The following SCN9A variants were observed in gnomAD, a reference collection of about 807,000 sequenced individuals.
SCN9A encodes the protein sodium voltage-gated channel alpha subunit 9.
In SCN9A, 131 loss-of-function variants were observed where a neutral mutation model predicts 187.0. The observed-to-expected ratio is 0.70, with a 90% CI of 0.61 to 0.81. The LOEUF (loss-of-function observed/expected upper bound fraction) is 0.81. SCN9A is among the 30% of genes least tolerant of loss of function. The probability of loss-of-function intolerance (pLI) is 0.00; values close to 1 mark genes in which losing one functional copy is unlikely to be tolerated. For missense variants in SCN9A, 2,252 were observed against 2,396.6 expected (o/e 0.94, Z 1.26); for synonymous variants, 809 against 808.6 (o/e 1.00, Z -0.01).
intron 16 of SCN9A, among the ~76,000 whole-genome samples, chr2:166,273,709 A>G (rs1388612363): frequency 6.6e-6 from 1 of 152,138 alleles, no homozygotes; most frequent in African/African-American, 2.4e-5. Context: ...TAAATTGTAA[A>G]TTATATTTAA....
intron 24 of SCN9A, among the ~76,000 whole-genome samples, chr2:166,216,269 C>G (rs1243861139): frequency 6.6e-6 from 1 of 152,002 alleles, no homozygotes; most frequent in Admixed American, 6.6e-5. Context: ...AAGCCCACGG[C>G]TAACATTATG....
At chr2:166,329,912 C>T (rs772964132) in intron 1 of SCN9A, among the ~76,000 whole-genome samples, 7 of 152,010 alleles carry the variant, frequency 4.6e-5, no homozygotes, top group Non-Finnish European at 7.4e-5. Context: ...TCATTTTTGG[C>T]TTTGTCATCA....
intron 18 of SCN9A, 42 bp downstream of exon 18, chr2:166,251,723 C>T: frequency 6.2e-7 from 1 of 1,609,826 alleles, no homozygotes; most frequent in Non-Finnish European, 8.5e-7. Flanking sequence ...CCCCAGAACA[C>T]TAATTAAGGA....
At chr2:166,203,098 C>A (rs1693622432) in intron 26 of SCN9A, among the ~76,000 whole-genome samples, 1 of 151,346 alleles carries the variant, frequency 6.6e-6, no homozygotes, top group South Asian at 2.1e-4. Flanking sequence ...TTTCTTATAT[C>A]AATTTTGGTA....
In SCN9A at chr2:166,228,916, C is replaced by T. The variant is rs768809716; in HGVS notation, c.3981G>A (p.Val1327=). The T allele has an allele frequency of 1.2e-6, 2 of 1,613,678 alleles. No individual in the cohort carries two copies. Among genetic ancestry groups the T allele is most frequent in the South Asian group, 1.1e-5 (1 of 91,074 alleles). Residue 1327 remains valine (V), a synonymous_variant, in exon 22 of 27, where the codon GTG becomes GTA. Transcript: ENST00000642356. Reference sequence around the variant, plus strand: ...TGAATATCAGCCAGAATATAAGACACACAAGTAGCACATTCATGATGGAAG... The same window carrying T: ...TGAATATCAGCCAGAATATAAGACATACAAGTAGCACATTCATGATGGAAG... The part of the protein sequence containing the change: ...AIPSIMNVLL[V]CLIFWLIFSI...
At chr2:166,284,964 A>C in intron 11 of SCN9A, 140 bp from the exon 12 acceptor site, 1 of 876,284 alleles carries the variant, frequency 1.1e-6, no homozygotes, top group Non-Finnish European at 1.7e-6. Context: ...AAAACGAAGC[A>C]ATTCAGTGAG....
intron 1 of SCN9A, among the ~76,000 whole-genome samples, chr2:166,347,331 AATT>A: frequency 6.6e-6 from 1 of 152,350 alleles, no homozygotes; most frequent in East Asian, 1.9e-4. Flanking sequence ...GACATCAAGT[AATT>A]ATTTCAGAAT....
At chr2:166,256,604 A>C (rs1353272246) in intron 17 of SCN9A, among the ~76,000 whole-genome samples, 2 of 151,332 alleles carry the variant, frequency 1.3e-5, no homozygotes, top group African/African-American at 4.8e-5. Flanking sequence ...GGCAACTAAA[A>C]CTTTAGCTCT....
At chr2:166,260,532 T>C (rs1696462059) in intron 17 of SCN9A, among the ~76,000 whole-genome samples, 2 of 151,910 alleles carry the variant, frequency 1.3e-5, no homozygotes, top group African/African-American at 4.8e-5. Flanking sequence ...TGCTTTGTTC[T>C]GTGTTATAAT....
intron 24 of SCN9A, among the ~76,000 whole-genome samples, chr2:166,205,696 A>G (rs901698250): frequency 1.3e-5 from 2 of 152,214 alleles, no homozygotes; most frequent in Non-Finnish European, 2.9e-5. Context: ...TCTGCAAAGC[A>G]AAAGAAACTA....
chr2:166,267,604 A>AT (rs980685677), intron 17 of SCN9A, among the ~76,000 whole-genome samples: 1 of 151,538 alleles, frequency 6.6e-6, no homozygotes, highest in East Asian at 2.0e-4. Flanking sequence ...TTTCCTTTTG[A>AT]TTTTTTTGGA....
At chr2:166,305,365 T>C (rs1698719588) in intron 5 of SCN9A, among the ~76,000 whole-genome samples, 1 of 152,084 alleles carries the variant, frequency 6.6e-6, no homozygotes, top group Non-Finnish European at 1.5e-5. Context: ...TTTACAAATA[T>C]ATACTTTTAT....
intron 15 of SCN9A, 185 bp downstream of exon 15, chr2:166,277,955 G>T: frequency 2.0e-6 from 1 of 507,534 alleles, no homozygotes; most frequent in Non-Finnish European, 3.4e-6. Flanking sequence ...TTCAAAAATT[G>T]TAAAAATATT....
chr2:166,360,345 A>G (rs953619968), intron 1 of SCN9A, among the ~76,000 whole-genome samples: 5 of 152,136 alleles, frequency 3.3e-5, no homozygotes, highest in African/African-American at 9.7e-5. Context: ...TTTAATAAAA[A>G]ATTCATAAAG....
At chr2:166,241,060 C>T (rs1695546051) in intron 19 of SCN9A, among the ~76,000 whole-genome samples, 1 of 152,136 alleles carries the variant, frequency 6.6e-6, no homozygotes, top group South Asian at 2.1e-4. Flanking sequence ...AGTCCTTTAT[C>T]TCTGACCCAA....
At chr2:166,363,199 T>C (rs1700331873) in intron 1 of SCN9A, among the ~76,000 whole-genome samples, 1 of 152,086 alleles carries the variant, frequency 6.6e-6, no homozygotes, top group Non-Finnish European at 1.5e-5. Flanking sequence ...TTGAACTTGC[T>C]TTATTAAAAT....
Position 166,323,702 on chromosome 2 carries a change from C to G in SCN9A, c.-50-11896G>C, listed in dbSNP as rs376288233. On this transcript the variant is annotated intron_variant, in intron 1 of 26. Coordinates refer to ENST00000642356, the MANE Select transcript of SCN9A (RefSeq NM_001365536.1). The stretch of plus-strand genomic sequence containing the variant: ...ATTTATTAGTGTCAGGGCACCAATT[C>G]TATTGTGGCTCAGTTAGAGTATGTG... Among the ~76,000 whole-genome samples the G allele has an allele frequency of 2.6e-5, 4 of 152,044 alleles. No homozygotes were observed. In the East Asian group the frequency reaches 7.8e-4, roughly 30 times the overall value.
At chr2:166,337,427 G>T (rs1699656426) in intron 1 of SCN9A, among the ~76,000 whole-genome samples, 1 of 152,046 alleles carries the variant, frequency 6.6e-6, no homozygotes, top group Non-Finnish European at 1.5e-5. Flanking sequence ...TGGGAGGCTG[G>T]GTTGGAAATA....
chr2:166,335,632 G>A (rs909872350), intron 1 of SCN9A, among the ~76,000 whole-genome samples: 14 of 152,126 alleles, frequency 9.2e-5, no homozygotes, highest in African/African-American at 3.4e-4. Flanking sequence ...TTTATCATTA[G>A]CAGACTTTCA....
Sources: gnomAD v4.1 joint callset for allele counts (sites outside exome capture counted in the v4.1 genomes callset) on GRCh38, gnomAD v4.1.1 for gene constraint, MANE v1.5 for transcripts, NCBI Gene and HGNC (gene_info 2026-07-23, HGNC 2026-07-21) for gene names.